The following DOCK3 variants were observed in gnomAD, a reference collection of about 807,000 sequenced individuals.
The protein encoded by DOCK3 is dedicator of cytokinesis 3, also known as dedicator of cytokinesis protein 3.
DOCK3 carries 60 observed loss-of-function variants against 265.6 expected under a neutral mutation model. The observed-to-expected ratio is 0.23, with a 90% confidence interval of 0.18 to 0.28. DOCK3 has a LOEUF of 0.28. Among genes scored for constraint, DOCK3 ranks in the 10% least tolerant of loss-of-function variants. The pLI is 1.00. For missense variants in DOCK3, 1,981 were observed against 2,594.3 expected, an observed-to-expected ratio of 0.76 and a Z score of 5.14; for synonymous variants, 881 against 938.0, an observed-to-expected ratio of 0.94 and a Z score of 1.11.
chr3:51,233,426 C>T (rs566378823), intron 19 of DOCK3, among the ~76,000 whole-genome samples: 47 of 151,914 alleles, frequency 3.1e-4, no homozygotes, highest in Non-Finnish European at 5.7e-4. Flanking sequence ...AGTACAATGG[C>T]GTGATCTCGG....
intron 2 of DOCK3, among the ~76,000 whole-genome samples, chr3:50,814,805 A>C (rs1205333848): frequency 1.3e-5 from 2 of 151,780 alleles, no homozygotes; most frequent in Non-Finnish European, 2.9e-5. Flanking sequence ...TAACATGCTT[A>C]TATTTCTATT....
intron 24 of DOCK3, among the ~76,000 whole-genome samples, chr3:51,274,628 T>C (rs947288493): frequency 6.6e-6 from 1 of 151,828 alleles, no homozygotes; most frequent in African/African-American, 2.4e-5. Flanking sequence ...AATTAAAAAA[T>C]TATCCGAGTG....
intron 1 of DOCK3, among the ~76,000 whole-genome samples, chr3:50,759,088 T>C (rs1352491080): frequency 1.3e-5 from 2 of 152,178 alleles, no homozygotes; most frequent in Admixed American, 6.5e-5. Flanking sequence ...CAAATATCTG[T>C]CCTTGTCCCC....
At chr3:51,160,505 A>C in intron 11 of DOCK3, 50 bp from the exon 12 acceptor site, 1 of 1,554,954 alleles carries the variant, frequency 6.4e-7, no homozygotes, top group South Asian at 1.2e-5. Flanking sequence ...GTGATACTGG[A>C]GAGGAGCATG....
chr3:51,038,272 G>T (rs1223994383), intron 5 of DOCK3, among the ~76,000 whole-genome samples: 1 of 152,152 alleles, frequency 6.6e-6, no homozygotes, highest in African/African-American at 2.4e-5. Context: ...TAGGATCTAG[G>T]CAAGAGATAA....
intron 2 of DOCK3, among the ~76,000 whole-genome samples, chr3:50,833,219 G>A (rs1283140508): frequency 1.3e-5 from 2 of 152,118 alleles, no homozygotes; most frequent in Admixed American, 6.5e-5. Flanking sequence ...GATAAGCAGG[G>A]TTAATCTAAA....
At chr3:51,225,858 C>T in intron 15 of DOCK3, 85 bp downstream of exon 15, 1 of 1,476,288 alleles carries the variant, frequency 6.8e-7, no homozygotes, top group South Asian at 1.5e-5. Flanking sequence ...CCATTCTCTT[C>T]AAGCAGGATT....
chr3:50,707,781 ATGT>A (rs1411077778), intron 1 of DOCK3, among the ~76,000 whole-genome samples: 1 of 151,680 alleles, frequency 6.6e-6, no homozygotes, highest in African/African-American at 2.4e-5. Context: ...GGTGTGCATG[ATGT>A]TGGTGGTGGC....
At chr3:51,036,858 A>C (rs1200881901) in intron 5 of DOCK3, among the ~76,000 whole-genome samples, 1 of 151,976 alleles carries the variant, frequency 6.6e-6, no homozygotes, top group African/African-American at 2.4e-5. Flanking sequence ...AAATCTCGAG[A>C]TCTGATGGTT....
chr3:50,949,960 A>T (rs867422121), intron 5 of DOCK3, among the ~76,000 whole-genome samples: 1 of 147,022 alleles, frequency 6.8e-6, no homozygotes, highest in South Asian at 2.1e-4. Flanking sequence ...GGTTTATCCA[A>T]TTTTTTTCCA....
At chr3:51,126,354 T>C (rs1182340440) in intron 9 of DOCK3, among the ~76,000 whole-genome samples, 3 of 152,180 alleles carry the variant, frequency 2.0e-5, no homozygotes, top group Admixed American at 2.0e-4. Context: ...GTAACATTGC[T>C]TTTTTGGCAT....
chr3:51,371,983 G>A (rs1465015643), intron 49 of DOCK3, among the ~76,000 whole-genome samples: 1 of 152,208 alleles, frequency 6.6e-6, no homozygotes, highest in African/African-American at 2.4e-5. Flanking sequence ...TGGTCTAAAG[G>A]TGCTGTGTGT....
intron 5 of DOCK3, among the ~76,000 whole-genome samples, chr3:50,956,325 C>T (rs982111146): frequency 6.6e-6 from 1 of 152,080 alleles, no homozygotes; most frequent in Non-Finnish European, 1.5e-5. Context: ...TTTTAAGAAC[C>T]GCAGATTGTC....
intron 1 of DOCK3, among the ~76,000 whole-genome samples, chr3:50,698,763 C>T (rs2035837500): frequency 6.6e-6 from 1 of 151,744 alleles, no homozygotes; most frequent in Non-Finnish European, 1.5e-5. Flanking sequence ...TCCCTGATGG[C>T]TGATGATGTT....
chr3:51,071,336 A>G (rs2081859290), intron 6 of DOCK3, among the ~76,000 whole-genome samples: 1 of 152,186 alleles, frequency 6.6e-6, no homozygotes, highest in Admixed American at 6.5e-5. Flanking sequence ...AGAGAAGACC[A>G]AGTATTTTTG....
intron 48 of DOCK3, 70 bp from the exon 49 acceptor site, chr3:51,362,457 C>T: frequency 6.2e-7 from 1 of 1,600,694 alleles, no homozygotes; most frequent in Non-Finnish European, 8.5e-7. Context: ...CATGAAAAAG[C>T]AAACTCTGTG....
At chr3:50,708,756 A>G (rs767457644) in intron 1 of DOCK3, among the ~76,000 whole-genome samples, 3 of 152,122 alleles carry the variant, frequency 2.0e-5, no homozygotes, top group Admixed American at 1.3e-4. Flanking sequence ...TTTTTTCACA[A>G]TGAGGAGTGC....
chr3:51,258,343 C>T (rs1037986248), intron 22 of DOCK3, among the ~76,000 whole-genome samples: 2 of 152,204 alleles, frequency 1.3e-5, no homozygotes, highest in Non-Finnish European at 2.9e-5. Context: ...CAGTGCTCCA[C>T]GTAATTGCCG....
chr3:51,171,147 A>G (rs961703268), intron 12 of DOCK3, among the ~76,000 whole-genome samples: 5 of 152,004 alleles, frequency 3.3e-5, no homozygotes, highest in Admixed American at 6.5e-5. Context: ...ATTATTTGAG[A>G]TCTTTTTTCT....
Sources: gnomAD v4.1 joint callset for allele counts (sites outside exome capture counted in the v4.1 genomes callset) on GRCh38, gnomAD v4.1.1 for gene constraint, MANE v1.5 for transcripts, NCBI Gene and HGNC (gene_info 2026-07-23, HGNC 2026-07-21) for gene names.